The following ATXN10 variants were observed in gnomAD, a reference collection of about 807,000 sequenced individuals.
ATXN10 encodes the protein ataxin 10.
A neutral mutation model predicts 52.9 loss-of-function variants in ATXN10; 28 were observed. That is an observed-to-expected ratio of 0.53 (90% CI 0.39 to 0.73). ATXN10 has a LOEUF of 0.73. Among genes scored for constraint, ATXN10 ranks in the 30% least tolerant of loss-of-function variants. ATXN10 has a pLI of 0.00. For missense variants in ATXN10, 565 were observed against 577.0 expected, an observed-to-expected ratio of 0.98 and a Z score of 0.21; for synonymous variants, 226 against 221.5, an observed-to-expected ratio of 1.02 and a Z score of -0.18.
At chr22:45,738,039 A>G (rs1925368601) in intron 7 of ATXN10, among the ~76,000 whole-genome samples, 1 of 152,186 alleles carries the variant, frequency 6.6e-6, no homozygotes, top group Non-Finnish European at 1.5e-5. Context: ...TACTTTAAAA[A>G]TGGGGTTCAA....
chr22:45,674,440 G>C (rs893191972), intron 1 of ATXN10: 1 of 152,326 alleles, frequency 6.6e-6, no homozygotes, highest in East Asian at 1.9e-4. Context: ...ATAAGGACAG[G>C]CTTCTGGTCC....
intron 9 of ATXN10, among the ~76,000 whole-genome samples, chr22:45,747,936 G>C (rs968864093): frequency 6.6e-6 from 1 of 151,178 alleles, no homozygotes; most frequent in African/African-American, 2.4e-5. Flanking sequence ...AAAATAAATA[G>C]CCGGTATTTC....
At chr22:45,764,787 G>A (rs868046274) in intron 9 of ATXN10, among the ~76,000 whole-genome samples, 1 of 152,186 alleles carries the variant, frequency 6.6e-6, no homozygotes. Context: ...ATTCACAGGC[G>A]CTTCTGCTCC....
At chr22:45,742,312 C>T (rs1199140874) in intron 9 of ATXN10, among the ~76,000 whole-genome samples, 2 of 152,066 alleles carry the variant, frequency 1.3e-5, no homozygotes, top group Non-Finnish European at 1.5e-5. Flanking sequence ...GTGACCTGTT[C>T]TCAATTGAAA....
chr22:45,738,280 C>T (rs907529086), intron 7 of ATXN10, among the ~76,000 whole-genome samples: 2 of 152,166 alleles, frequency 1.3e-5, no homozygotes, highest in African/African-American at 4.8e-5. Context: ...TCAACCACAG[C>T]ATTTTACAGG....
At chr22:45,751,739 GGAAAAA>G (rs1435243007) in intron 9 of ATXN10, among the ~76,000 whole-genome samples, 15 of 14,122 alleles carry the variant, frequency 1.1e-3, no homozygotes, top group African/African-American at 4.5e-3. Context: ...ACCTTTTTCT[GGAAAAA>G]AAAAAAAAAT....
chr22:45,735,810 G>GT (rs1925271610), intron 7 of ATXN10, among the ~76,000 whole-genome samples: 1 of 48,246 alleles, frequency 2.1e-5, no homozygotes, highest in Non-Finnish European at 4.1e-5. Flanking sequence ...TCATTTGCTT[G>GT]TCTTTTTTTT....
intron 10 of ATXN10, among the ~76,000 whole-genome samples, chr22:45,838,907 T>C (rs556476330): frequency 3.9e-4 from 59 of 152,334 alleles, no homozygotes; most frequent in Non-Finnish European, 7.6e-4. Flanking sequence ...AGGAACAGAT[T>C]AGAGGAGGTT....
chr22:45,804,122 C>T (rs553425217), intron 9 of ATXN10, among the ~76,000 whole-genome samples: 1 of 152,292 alleles, frequency 6.6e-6, no homozygotes, highest in East Asian at 1.9e-4. Flanking sequence ...GCATGGCTGT[C>T]ATATTGTCGG....
Position 45,732,563 on chromosome 22 carries a change from CAT to C in ATXN10, c.894+2976_894+2977del, listed in dbSNP as rs1342399287. Among the ~76,000 whole-genome samples, 1 of 151,342 alleles carries C rather than the reference CAT, an allele frequency of 6.6e-6. No homozygotes were observed. Among genetic ancestry groups the C allele is most frequent in the Non-Finnish European group, 1.5e-5 (1 of 67,928 alleles). On this transcript the variant is annotated intron_variant, in intron 7 of 11. Coordinates refer to ENST00000252934, the MANE Select transcript of ATXN10 (RefSeq NM_013236.4). This position sits in a 1 kb window ranked among gnomAD's most constrained non-coding sequence, Gnocchi z 4.5. ...TTTATGACTTGTGCGTATTAATGCA[CAT>C]ATGTCATACTTTTTTTTTTTTTTTA...
chr22:45,738,560 C>A, intron 7 of ATXN10, 171 bp from the exon 8 acceptor site: 1 of 596,066 alleles, frequency 1.7e-6, no homozygotes, highest in Non-Finnish European at 2.9e-6. Flanking sequence ...GAGTCGTGTA[C>A]ATATTTCATA....
chr22:45,768,720 C>T (rs908169483), intron 9 of ATXN10, among the ~76,000 whole-genome samples: 10 of 152,164 alleles, frequency 6.6e-5, no homozygotes, highest in African/African-American at 2.4e-4. Context: ...CATACCTTTA[C>T]AGATTAAAAC....
intron 9 of ATXN10, among the ~76,000 whole-genome samples, chr22:45,791,611 C>G (rs535247987): frequency 1.3e-5 from 2 of 152,238 alleles, no homozygotes; most frequent in African/African-American, 4.8e-5. Flanking sequence ...TCTATTCTTG[C>G]ATTTTTGAGA....
At chr22:45,694,416 C>G (rs1923507413) in intron 3 of ATXN10, among the ~76,000 whole-genome samples, 1 of 152,032 alleles carries the variant, frequency 6.6e-6, no homozygotes, top group Non-Finnish European at 1.5e-5. Flanking sequence ...CTTGGAGAGG[C>G]CAAGGTGGAC....
intron 1 of ATXN10, 155 bp from the exon 2 acceptor site, chr22:45,689,557 T>A: frequency 1.5e-6 from 1 of 665,744 alleles, no homozygotes; most frequent in Non-Finnish European, 2.7e-6. Context: ...GCTCAATATG[T>A]GTAGATCTTT....
rs1925114284 is a variant in ATXN10 at position 45,732,209 on chromosome 22, T to A, written c.894+2619T>A. The stretch of plus-strand genomic sequence containing the variant: ...GCTCATGCCCGTAATCCCAATACTT[T>A]GGGACGCCAAGGCGTGGGAGGATTG... On this transcript the variant is annotated intron_variant, in intron 7 of 11. Coordinates refer to ENST00000252934, the MANE Select transcript of ATXN10 (RefSeq NM_013236.4). The surrounding 1 kb of genome is among the most constrained non-coding windows in gnomAD (Gnocchi z 4.5). 1.3e-5 allele frequency among the ~76,000 whole-genome samples: 2 copies of A among 152,102 alleles called. No homozygotes were observed. Among genetic ancestry groups the A allele is most frequent in the South Asian group, 4.1e-4 (2 of 4,826 alleles).
At chr22:45,719,243 A>C (rs1924559634) in intron 6 of ATXN10, among the ~76,000 whole-genome samples, 1 of 152,184 alleles carries the variant, frequency 6.6e-6, no homozygotes. Flanking sequence ...TCTAGTGATG[A>C]AAATCTCTTA....
Position 45,835,654 on chromosome 22 carries a change from C to A in ATXN10, c.1238-7337C>A, listed in dbSNP as rs369585840. Among the ~76,000 whole-genome samples the A allele has an allele frequency of 6.6e-6, 1 of 152,222 alleles. No homozygotes were observed. The highest frequency in any genetic ancestry group is 1.5e-5 in the Non-Finnish European group (1 of 68,034). The stretch of plus-strand genomic sequence containing the variant: ...TGGGGCCTATGTACCACTTCCCTTA[C>A]GGCCTAGAAGCCGATTAGCAGCCTC... On this transcript the variant is annotated intron_variant, in intron 10 of 11. Transcript: ENST00000252934. This position sits in a 1 kb window ranked among gnomAD's most constrained non-coding sequence, Gnocchi z 5.0.
chr22:45,673,170 T>C (rs1227378882), intron 1 of ATXN10: 1 of 152,244 alleles, frequency 6.6e-6, no homozygotes, highest in Non-Finnish European at 1.5e-5. Context: ...ACACATTGAT[T>C]GGTAGTTACC....
Sources: gnomAD v4.1 joint callset for allele counts (sites outside exome capture counted in the v4.1 genomes callset) on GRCh38, gnomAD v4.1.1 for gene constraint, Gnocchi (gnomAD v3.1) non-coding constraint, MANE v1.5 for transcripts, NCBI Gene and HGNC (gene_info 2026-07-23, HGNC 2026-07-21) for gene names.